The following MYT1 variants were observed in gnomAD, a reference collection of about 807,000 sequenced individuals.
The protein encoded by MYT1 is myelin transcription factor I.
A neutral mutation model predicts 123.0 loss-of-function variants in MYT1; 23 were observed. The ratio of observed to expected loss-of-function variants is 0.19; its 90% confidence interval spans 0.13 to 0.26. MYT1 has a LOEUF of 0.26. Among genes scored for constraint, MYT1 ranks in the 10% least tolerant of loss-of-function variants. The probability of loss-of-function intolerance (pLI) is 1.00; values close to 1 mark genes in which losing one functional copy is unlikely to be tolerated. For missense variants in MYT1, 1,125 were observed against 1,472.5 expected (o/e 0.76, Z 3.86); for synonymous variants, 518 against 575.3 (o/e 0.90, Z 1.43).
rs758663976 is a variant in MYT1, at chr20:64,204,456, C to A, written c.87-579C>A. Among the ~76,000 whole-genome samples, 6 of 152,310 alleles carry A rather than the reference C, an allele frequency of 3.9e-5. No individual in the cohort carries two copies. The East Asian group carries it at 1.2e-3, about 29-fold the overall frequency. Reference sequence around the variant, plus strand: ...GGGCCCTCCCGGCTTCTTTTCCCTGCGTGGAAGCTGGGACCCACACCAGCT... The same window carrying A: ...GGGCCCTCCCGGCTTCTTTTCCCTGAGTGGAAGCTGGGACCCACACCAGCT... On this transcript the variant is annotated intron_variant, in intron 4 of 22. Transcript: ENST00000328439.
chr20:64,164,522 A>G lies in MYT1; in HGVS notation c.-316A>G, dbSNP rs1375314995. ...GCTAATGAGAGCAGTCATTAAGTAA[A>G]TGAGACGTCGCCTTTAGCTGGCTTA... On this transcript the variant is annotated 5_prime_UTR_variant, in exon 1 of 23. It removes an upstream start codon present in the reference 5' UTR. Transcript: ENST00000328439. The G allele has an allele frequency of 6.6e-6, 1 of 152,196 alleles. No individual in the cohort carries two copies. The highest frequency in any genetic ancestry group is 6.5e-5 in the Admixed American group (1 of 15,280). The allele number at this position is 152,196 out of a possible 1,614,324, so 9.4% of individuals were successfully genotyped here.
chr20:64,222,712 C>T (rs1200830806), intron 14 of MYT1, among the ~76,000 whole-genome samples: 3 of 152,240 alleles, frequency 2.0e-5, no homozygotes, highest in Admixed American at 6.5e-5. Flanking sequence ...TTCTCCCCAA[C>T]CTGAACCCCT....
chr20:64,182,889 T>G lies in MYT1; in HGVS notation c.-98-7174T>G, dbSNP rs962195144. On this transcript the variant is annotated intron_variant, in intron 1 of 22. Transcript: ENST00000328439. ...CTGTTTAAAAACAGCGTTATTGGAA[T>G]GTAATGTGCACATCACAGAATTCAC... Among the ~76,000 whole-genome samples the G allele has an allele frequency of 1.3e-5, 2 of 152,268 alleles. 1 individual carries two copies.
At position 64,232,110 on chromosome 20, in the gene MYT1, G is replaced by A; in HGVS notation, c.2676-54G>A. On this transcript the variant is annotated intron_variant, in intron 18 of 22. Transcript: ENST00000328439. The surrounding 1 kb of genome is among the most constrained non-coding windows in gnomAD (Gnocchi z 6.9). Reference sequence around the variant, plus strand: ...GTGTCTGGCTTGAGAGAGTCTCCAGGCTTCTCCTCCCAACCCTTCGCCCCT... The same window carrying A: ...GTGTCTGGCTTGAGAGAGTCTCCAGACTTCTCCTCCCAACCCTTCGCCCCT... 1 of 1,573,592 alleles carries A rather than the reference G, an allele frequency of 6.4e-7. No homozygotes were observed. The highest frequency in any genetic ancestry group is 8.7e-7 in the Non-Finnish European group (1 of 1,148,686).
In MYT1 at chr20:64,236,750, C is replaced by T. The variant is rs553199383; in HGVS notation, c.2989+104C>T. The T allele has an allele frequency of 1.9e-4, 193 of 991,344 alleles. 2 individuals carry two copies. The African/African-American group carries it at 2.7e-3, about 14-fold the overall frequency. The allele number at this position is 991,344 out of a possible 1,614,324, so 61.4% of individuals were successfully genotyped here. A position where few individuals can be genotyped will look rare whatever the true frequency, so the allele number is the denominator to read the frequency against. On this transcript the variant is annotated intron_variant, in intron 20 of 22. Coordinates refer to ENST00000328439, the MANE Select transcript of MYT1 (RefSeq NM_004535.3). ...GGGAAGAAGGTTAGGGAGATGAAGC[C>T]CCTCCTGGAATGAGTCACGGCAGAG...
At position 64,213,135 on chromosome 20, in the gene MYT1, C is replaced by T. The variant is rs963306972; in HGVS notation, c.1518-399C>T. Among the ~76,000 whole-genome samples, 5 of 152,098 alleles carry T rather than the reference C, an allele frequency of 3.3e-5. No homozygotes were observed. The highest frequency in any genetic ancestry group is 1.3e-4 in the Admixed American group (2 of 15,266). ...GCCCCAGAGCAGCTAACAGAACAAG[C>T]GCCAGAGAGGGCTGCAGAATCCAGC... On this transcript the variant is annotated intron_variant, in intron 9 of 22. Transcript: ENST00000328439. The surrounding 1 kb of genome is among the most constrained non-coding windows in gnomAD (Gnocchi z 5.6).
chr20:64,219,951 C>A lies in MYT1; in HGVS notation c.2210C>A (p.Pro737His). The change falls in exon 13 of 23, where the codon CCT (proline) becomes CAT (histidine). Residue 737 changes from proline (P) to histidine (H), a missense_variant. Pro to His is a moderately conservative substitution (Grantham distance 77). Transcript: ENST00000328439. Reference protein sequence around the residue: ...EWDRPLDYTKPSRLREEEPEE... With the variant: ...EWDRPLDYTKHSRLREEEPEE... ...GACCGGCCCCTGGACTACACCAAGC[C>A]TAGCCGCCTGAGAGAGGAGGAACCT... The A allele has an allele frequency of 6.6e-7, 1 of 1,526,494 alleles. No homozygotes were observed. The highest frequency in any genetic ancestry group is 8.8e-7 in the Non-Finnish European group (1 of 1,133,234). The allele number at this position is 1,526,494 out of a possible 1,614,324, so 94.6% of individuals were successfully genotyped here. A position where few individuals can be genotyped will look rare whatever the true frequency, so the allele number is the denominator to read the frequency against.
Position 64,198,933 on chromosome 20 carries a change from C to T in MYT1, c.55+17C>T, listed in dbSNP as rs1156975079. The T allele has an allele frequency of 4.3e-6, 7 of 1,613,584 alleles. No individual in the cohort carries two copies. Among genetic ancestry groups the T allele is most frequent in the Non-Finnish European group, 5.9e-6 (7 of 1,179,576 alleles). On this transcript the variant is annotated intron_variant, in intron 3 of 22. Transcript: ENST00000328439. ...CCCTGCGAGGTGAGTGCCGCCCTCC[C>T]CTCCTCCAGGGCTGTAAATGCCACT...
chr20:64,221,938 C>A lies in MYT1; in HGVS notation c.2287C>A (p.Gln763Lys), dbSNP rs1018344091. 23 of 1,613,610 alleles carry A rather than the reference C, an allele frequency of 1.4e-5. No homozygotes were observed. Among genetic ancestry groups the A allele is most frequent in the Non-Finnish European group, 1.8e-5 (21 of 1,180,028 alleles). ...HSFASSEADD[Q>K]EVSEENFEER... ...TTTTGCTTCTTCTGAAGCAGATGAC[C>A]AGGAAGTGTCGGAAGAGAATTTTGA... is the stretch of plus-strand genomic sequence containing the variant. Residue 763 changes from glutamine (Q) to lysine (K), a missense_variant, in exon 14 of 23, where the codon CAG becomes AAG. Coordinates refer to ENST00000328439, the MANE Select transcript of MYT1 (RefSeq NM_004535.3).
intron 6 of MYT1, 71 bp downstream of exon 6, chr20:64,205,871 C>G: frequency 1.3e-6 from 2 of 1,571,324 alleles, no homozygotes; most frequent in Admixed American, 1.8e-5. Flanking sequence ...AGCCTGTGAG[C>G]GGGGAGGGGC....
intron 1 of MYT1, among the ~76,000 whole-genome samples, chr20:64,170,874 TATATATATATAGAGAGAG>T (rs1415541866): frequency 3.8e-4 from 24 of 62,528 alleles, no homozygotes; most frequent in African/African-American, 1.3e-3. Flanking sequence ...TATATATATA[TATATATATATAGAGAGAG>T]AGAGAGAGAG....
rs141615827 is a variant in MYT1 at position 64,204,513 on chromosome 20, G to A, written c.87-522G>A. Among the ~76,000 whole-genome samples the A allele has an allele frequency of 1.5e-3, 223 of 152,358 alleles. 1 individual carries two copies. Among genetic ancestry groups the A allele is most frequent in the African/African-American group, 5.0e-3 (208 of 41,578 alleles). On this transcript the variant is annotated intron_variant, in intron 4 of 22. Coordinates refer to ENST00000328439, the MANE Select transcript of MYT1 (RefSeq NM_004535.3). ...ACTGGTGGGATCTTCACCACTGTCT[G>A]TGGCTTGGGCCACAGATTCCTTTCT...
chr20:64,223,477 GCTCTC>G, intron 16 of MYT1, 118 bp downstream of exon 16: 1 of 1,157,132 alleles, frequency 8.6e-7, no homozygotes, highest in Non-Finnish European at 1.3e-6. Flanking sequence ...GCTGGCCCCA[GCTCTC>G]CTGAGATGGG....
At chr20:64,178,582 A>G (rs1982542326) in intron 1 of MYT1, among the ~76,000 whole-genome samples, 2 of 148,846 alleles carry the variant, frequency 1.3e-5, no homozygotes, top group African/African-American at 5.0e-5. Flanking sequence ...GATACCCTTC[A>G]ACGTGGCAGC....
intron 19 of MYT1, 112 bp from the exon 20 acceptor site, chr20:64,236,443 G>A: frequency 7.7e-6 from 6 of 777,662 alleles, no homozygotes; most frequent in Non-Finnish European, 1.1e-5. Context: ...CGTGGTGGGT[G>A]ACCCGGGGCT....
chr20:64,168,293 C>T lies in MYT1; in HGVS notation c.-99+3554C>T, dbSNP rs1490716079. Among the ~76,000 whole-genome samples, 2 of 152,230 alleles carry T rather than the reference C, an allele frequency of 1.3e-5. No individual in the cohort carries two copies. Among genetic ancestry groups the T allele is most frequent in the Non-Finnish European group, 2.9e-5 (2 of 68,050 alleles). The stretch of plus-strand genomic sequence containing the variant: ...GTAGTTTGAAAATGTCTTCCTGTTT[C>T]TCTTCAGTGTTACTGGAACTAACCA... On this transcript the variant is annotated intron_variant, in intron 1 of 22. Transcript: ENST00000328439. This position sits in a 1 kb window ranked among gnomAD's most constrained non-coding sequence, Gnocchi z 6.1.
At position 64,232,395 on chromosome 20, in the gene MYT1, C is replaced by T. The variant is rs2145732129; in HGVS notation, c.2897+10C>T. Reference sequence around the variant, plus strand: ...TCCTCACCCACCGGAGGTAACTGTGCCTGCAGGTCCTGCCCCTCTGTGCAG... The same window carrying T: ...TCCTCACCCACCGGAGGTAACTGTGTCTGCAGGTCCTGCCCCTCTGTGCAG... On this transcript the variant is annotated intron_variant, in intron 19 of 22. Coordinates refer to ENST00000328439, the MANE Select transcript of MYT1 (RefSeq NM_004535.3). This position sits in a 1 kb window ranked among gnomAD's most constrained non-coding sequence, Gnocchi z 6.9. 1 of 1,612,066 alleles carries T rather than the reference C, an allele frequency of 6.2e-7. No homozygotes were observed. The highest frequency in any genetic ancestry group is 8.5e-7 in the Non-Finnish European group (1 of 1,179,248).
chr20:64,171,446 G>A (rs1312652697), intron 1 of MYT1, among the ~76,000 whole-genome samples: 2 of 152,334 alleles, frequency 1.3e-5, no homozygotes, highest in African/African-American at 4.8e-5. Flanking sequence ...CTTCCCTGTG[G>A]AGTGTCACCC....
At position 64,214,084 on chromosome 20, in the gene MYT1, G is replaced by A. The variant is rs149193241; in HGVS notation, c.1631+437G>A. Among the ~76,000 whole-genome samples, 17 of 152,330 alleles carry A rather than the reference G, an allele frequency of 1.1e-4. No individual in the cohort carries two copies. In the East Asian group the frequency reaches 1.5e-3, roughly 14 times the overall value. On this transcript the variant is annotated intron_variant, in intron 10 of 22. Transcript: ENST00000328439. ...CACCATGAGCCACTAATCCTTGGCCGTCCTGCCTGTCCCTCCCCGACCCCA... is the reference window on the plus strand; with the variant it reads ...CACCATGAGCCACTAATCCTTGGCCATCCTGCCTGTCCCTCCCCGACCCCA...
Sources: gnomAD v4.1 joint callset for allele counts (sites outside exome capture counted in the v4.1 genomes callset) on GRCh38, gnomAD v4.1.1 for gene constraint, Gnocchi (gnomAD v3.1) non-coding constraint, MANE v1.5 for transcripts, NCBI Gene and HGNC (gene_info 2026-07-23, HGNC 2026-07-21) for gene names.